ERG28: variants seen among roughly 807,000 people sequenced by gnomAD.
ERG28 encodes ergosterol biosynthetic protein 28 homolog.
A neutral mutation model predicts 15.7 loss-of-function variants in ERG28; 9 were observed. The ratio of observed to expected loss-of-function variants is 0.57; its 90% CI spans 0.35 to 1.00. The LOEUF (loss-of-function observed/expected upper bound fraction) is 1.00. ERG28 is among the 50% of genes least tolerant of loss of function. ERG28 has a pLI of 0.02. For synonymous variants in ERG28, 61 were observed against 68.4 expected, an observed-to-expected ratio of 0.89 and a Z score of 0.53; for missense variants, 117 against 173.3, an observed-to-expected ratio of 0.68 and a Z score of 1.82.
intron 3 of ERG28, among the ~76,000 whole-genome samples, chr14:75,653,038 G>A (rs1431262760): frequency 4.0e-5 from 6 of 151,724 alleles, no homozygotes; most frequent in African/African-American, 1.2e-4. Context: ...TGGCCAAGCT[G>A]GTCTCAAACT....
At chr14:75,653,328 G>A (rs1890553983) in intron 3 of ERG28, among the ~76,000 whole-genome samples, 1 of 151,954 alleles carries the variant, frequency 6.6e-6, no homozygotes, top group Non-Finnish European at 1.5e-5. Context: ...GGTCAGGCCG[G>A]GCACAGTGGC....
At chr14:75,653,023 C>T (rs1321875941) in intron 3 of ERG28, among the ~76,000 whole-genome samples, 3 of 151,774 alleles carry the variant, frequency 2.0e-5, no homozygotes, top group African/African-American at 7.3e-5. Context: ...GGGGTTTCGC[C>T]ATGTTGGCCA....
chr14:75,657,254 C>T (rs1329313677), intron 2 of ERG28, 116 bp downstream of exon 2: 1 of 1,290,794 alleles, frequency 7.7e-7, no homozygotes, highest in East Asian at 2.3e-5. Context: ...GAAATGGGTA[C>T]CTGTGTTTGT....
At position 75,650,475 on chromosome 14, in the gene ERG28, G is replaced by C. The variant is rs1040593540; in HGVS notation, c.*1080C>G. On this transcript the variant is annotated 3_prime_UTR_variant, in exon 5 of 5. Coordinates refer to ENST00000256319, the MANE Select transcript of ERG28 (RefSeq NM_007176.4). ...ACACACTGTGTATGAGGGTCCAGCT[G>C]GGGGAGGCCCTCTGGGTAGGGTTTA... 1.3e-5 allele frequency: 2 copies of C among 152,254 alleles called. No homozygotes were observed. The highest frequency in any genetic ancestry group is 6.5e-5 in the Admixed American group (1 of 15,292). 9.4% of individuals were successfully genotyped at this position (152,254 alleles called of 1,614,324 possible).
At chr14:75,655,761 A>G (rs80110994) in intron 2 of ERG28, among the ~76,000 whole-genome samples, 42 of 152,320 alleles carry the variant, frequency 2.8e-4, no homozygotes, top group Non-Finnish European at 5.4e-4. Context: ...GGCCCCAGGC[A>G]TAAGTATTTT....
At chr14:75,660,521 G>A (rs904117572) in intron 1 of ERG28, among the ~76,000 whole-genome samples, 1 of 152,128 alleles carries the variant, frequency 6.6e-6, no homozygotes, top group Admixed American at 6.5e-5. Flanking sequence ...AAAAAGTGAA[G>A]GCTCTTTGTA....
In ERG28 at chr14:75,651,593, C is replaced by G; in HGVS notation, c.385G>C (p.Glu129Gln). Residue 129 changes from glutamate to glutamine, a missense_variant, in exon 5 of 5, where the codon GAA (glutamate) becomes CAA (glutamine). By Grantham distance (29) the Glu-to-Gln change is conservative. Transcript: ENST00000256319. ...TTCTGTCTGGATACTGGTTCTACTT[C>G]TAGATACCGGAGCCCGACCAGCATA... ...LGMLVGLRYL[E>Q]VEPVSRQKKR... The G allele has an allele frequency of 6.2e-7, 1 of 1,613,660 alleles. No individual in the cohort carries two copies. The highest frequency in any genetic ancestry group is 1.1e-5 in the South Asian group (1 of 91,062).
chr14:75,652,817 CTTTTTTTTT>C (rs59570063), intron 3 of ERG28, among the ~76,000 whole-genome samples: 1 of 96,210 alleles, frequency 1.0e-5, no homozygotes, highest in Non-Finnish European at 1.8e-5. Flanking sequence ...ATTTTTACAC[CTTTTTTTTT>C]TTTTTTTTTT....
Position 75,651,620 on chromosome 14 carries a change from C to T in ERG28, c.358G>A (p.Gly120Ser). ...AGATACCGGAGCCCGACCAGCATAC[C>T]CAGGATGGAGAAACCTTAAATACAG... is the stretch of plus-strand genomic sequence containing the variant. ...PLMVASFSIL[G>S]MLVGLRYLEV... Residue 120 changes from glycine (G) to serine (S), a missense_variant, in exon 5 of 5, where the codon GGT becomes AGT. Transcript: ENST00000256319. The T allele has an allele frequency of 1.2e-6, 2 of 1,613,676 alleles. No homozygotes were observed. The highest frequency in any genetic ancestry group is 1.7e-6 in the Non-Finnish European group (2 of 1,179,608).
chr14:75,654,855 G>C, intron 3 of ERG28, 31 bp downstream of exon 3: 3 of 1,578,410 alleles, frequency 1.9e-6, no homozygotes, highest in Middle Eastern at 1.7e-4. Context: ...TCCAACAAAA[G>C]GATGCTAAAG....
intron 2 of ERG28, among the ~76,000 whole-genome samples, chr14:75,657,037 T>A (rs1044953277): frequency 3.2e-4 from 47 of 146,602 alleles, no homozygotes; most frequent in Admixed American, 5.5e-4. Flanking sequence ...TTTTTTTTTT[T>A]AAATACATGA....
Position 75,652,329 on chromosome 14 carries a change from C to G in ERG28, c.225-440G>C, listed in dbSNP as rs17103553. ...TGTTTATAAGATGGATGCCACAGAA[C>G]GAACGGCCTCATGGGGAGTAAGGAG... is the stretch of plus-strand genomic sequence containing the variant. On this transcript the variant is annotated intron_variant, in intron 3 of 4. Coordinates refer to ENST00000256319, the MANE Select transcript of ERG28 (RefSeq NM_007176.4). Among the ~76,000 whole-genome samples, 1,500 of 152,294 alleles carry G rather than the reference C, an allele frequency of 9.8e-3. 24 individuals carry two copies. The highest frequency in any genetic ancestry group is 0.035 in the African/African-American group (1,445 of 41,568).
intron 1 of ERG28, among the ~76,000 whole-genome samples, chr14:75,659,779 G>C (rs1030546249): frequency 2.0e-5 from 3 of 152,140 alleles, no homozygotes; most frequent in African/African-American, 7.2e-5. Context: ...TTGTCACTTT[G>C]GCAATACAAG....
intron 3 of ERG28, among the ~76,000 whole-genome samples, chr14:75,653,948 A>AT (rs1406273866): frequency 1.0e-4 from 3 of 29,486 alleles, no homozygotes; most frequent in South Asian, 1.8e-3. Context: ...TTGAAAAAAA[A>AT]TTAAAAAAAA....
intron 2 of ERG28, among the ~76,000 whole-genome samples, chr14:75,655,971 C>T (rs1353350274): frequency 6.6e-6 from 1 of 152,096 alleles, no homozygotes; most frequent in African/African-American, 2.4e-5. Flanking sequence ...ATTTTTCCAG[C>T]CTTTGGAAAA....
chr14:75,654,787 A>T, intron 3 of ERG28, 99 bp downstream of exon 3: 2 of 1,249,472 alleles, frequency 1.6e-6, no homozygotes, highest in South Asian at 2.4e-5. Context: ...AAGCTAATGC[A>T]TTAAAATGAT....
rs1248555549 is a variant in ERG28, at chr14:75,650,254, T to C, written c.*1301A>G. 6.6e-6 allele frequency: 1 copy of C among 152,242 alleles called. No homozygotes were observed. The highest frequency in any genetic ancestry group is 2.4e-5 in the African/African-American group (1 of 41,450). The allele number at this position is 152,242 out of a possible 1,614,324, so 9.4% of individuals were successfully genotyped here. A position where few individuals can be genotyped will look rare whatever the true frequency, so the allele number is the denominator to read the frequency against. On this transcript the variant is annotated 3_prime_UTR_variant, in exon 5 of 5. Transcript: ENST00000256319. ...ACATTCCTTCTTGACCAAAATACCT[T>C]GTGTTTGTTAGAGTTCTTATCCCTA... is the stretch of plus-strand genomic sequence containing the variant.
rs771442814 is a variant in ERG28 at position 75,651,812 on chromosome 14, G to A, written c.302C>T (p.Ala101Val). 3 of 1,614,140 alleles carry A rather than the reference G, an allele frequency of 1.9e-6. No individual in the cohort carries two copies. Among genetic ancestry groups the A allele is most frequent in the South Asian group, 2.2e-5 (2 of 91,084 alleles). ...TGCCAGGACGCCAATCGTGGGAGCT[G>A]CAGTTCCATAGACAAACAACTCAGA... is the stretch of plus-strand genomic sequence containing the variant. ...FLSELFVYGTAAPTIGVLAPL... is the reference protein window; with the variant it reads ...FLSELFVYGTVAPTIGVLAPL... Residue 101 changes from alanine (A) to valine (V), a missense_variant, in exon 4 of 5, where the codon GCA becomes GTA. Physicochemically the swap from Ala to Val is moderately conservative, Grantham distance 64. Transcript: ENST00000256319.
intron 1 of ERG28, 60 bp from the exon 2 acceptor site, chr14:75,657,593 AG>A: frequency 6.8e-7 from 1 of 1,480,624 alleles, no homozygotes; most frequent in Non-Finnish European, 9.2e-7. Flanking sequence ...AACCATAAGC[AG>A]GAAGGGAGGA....
Sources: allele counts gnomAD v4.1 joint callset (sites outside exome capture counted in the v4.1 genomes callset), GRCh38; gene constraint gnomAD v4.1.1; transcripts MANE v1.5; gene names NCBI Gene and HGNC (gene_info 2026-07-23, HGNC 2026-07-21).